IL15RA: variants seen among roughly 807,000 people sequenced by gnomAD.
IL15RA encodes interleukin 15 receptor subunit alpha.
IL15RA carries 26 observed loss-of-function variants against 24.2 expected under a neutral mutation model. The observed-to-expected ratio is 1.07, with a 90% CI of 0.79 to 1.49. IL15RA has a LOEUF of 1.49. Ranked by LOEUF, IL15RA falls within the 40% of genes most tolerant of loss-of-function variation. The probability of loss-of-function intolerance (pLI) is 0.00; values close to 1 mark genes in which losing one functional copy is unlikely to be tolerated. For synonymous variants in IL15RA, 166 were observed against 157.6 expected, an observed-to-expected ratio of 1.05 and a Z score of -0.40; for missense variants, 354 against 356.4, an observed-to-expected ratio of 0.99 and a Z score of 0.05.
rs752224828 is a variant in IL15RA at position 5,973,501 on chromosome 10, C to A, written c.88+3904G>T. The stretch of plus-strand genomic sequence containing the variant: ...TGTAGTGGTGTTTTGTATACTGCAA[C>A]CAACTTAGACACATATGGCTGACTG... On this transcript the variant is annotated intron_variant, in intron 1 of 6. Transcript: ENST00000379977. The surrounding 1 kb of genome is among the most constrained non-coding windows in gnomAD (Gnocchi z 4.5). Among the ~76,000 whole-genome samples the A allele has an allele frequency of 1.6e-4, 25 of 152,032 alleles. No individual in the cohort carries two copies. The highest frequency in any genetic ancestry group is 2.1e-4 in the South Asian group (1 of 4,812).
At position 5,958,152 on chromosome 10, in the gene IL15RA, T is replaced by G. The variant is rs1336624402; in HGVS notation, c.616+1602A>C. Reference sequence around the variant, plus strand: ...AGGAATTCCATACAGTGGAATATTCTGTAGCTGTTAAAAACGATGAGATGG... The same window carrying G: ...AGGAATTCCATACAGTGGAATATTCGGTAGCTGTTAAAAACGATGAGATGG... On this transcript the variant is annotated intron_variant, in intron 5 of 6. Coordinates refer to ENST00000379977, the MANE Select transcript of IL15RA (RefSeq NM_002189.4). This position sits in a 1 kb window ranked among gnomAD's most constrained non-coding sequence, Gnocchi z 4.3. 2 of 318,956 alleles carry G rather than the reference T, an allele frequency of 6.3e-6. No homozygotes were observed. The highest frequency in any genetic ancestry group is 1.3e-5 in the Non-Finnish European group (2 of 156,584). The allele number at this position is 318,956 out of a possible 1,614,324, so 19.8% of individuals were successfully genotyped here. A position where few individuals can be genotyped will look rare whatever the true frequency, so the allele number is the denominator to read the frequency against.
intron 5 of IL15RA, among the ~76,000 whole-genome samples, chr10:5,956,957 A>ATT (rs767909938): frequency 0.035 from 4,446 of 127,624 alleles, 170 homozygotes; most frequent in South Asian, 0.068. Context: ...TTCACTTGCA[A>ATT]TTTTTTTTTT....
chr10:5,955,052 A>G lies in IL15RA; in HGVS notation c.692+1327T>C, dbSNP rs957815418. On this transcript the variant is annotated intron_variant, in intron 6 of 6. Coordinates refer to ENST00000379977, the MANE Select transcript of IL15RA (RefSeq NM_002189.4). This position sits in a 1 kb window ranked among gnomAD's most constrained non-coding sequence, Gnocchi z 5.3. ...GTTTTCATTTTGACTTTATAGTAGC[A>G]TTTCATGGAATGTGCATTTTGTCAA... 2.0e-5 allele frequency among the ~76,000 whole-genome samples: 3 copies of G among 150,878 alleles called. No homozygotes were observed. Among genetic ancestry groups the G allele is most frequent in the Non-Finnish European group, 4.4e-5 (3 of 67,890 alleles).
At position 5,959,695 on chromosome 10, in the gene IL15RA, G is replaced by C. The variant is rs377551433; in HGVS notation, c.616+59C>G. The C allele has an allele frequency of 1.2e-4, 178 of 1,540,010 alleles. No individual in the cohort carries two copies. Among genetic ancestry groups the C allele is most frequent in the Non-Finnish European group, 1.5e-4 (167 of 1,114,398 alleles). Reference sequence around the variant, plus strand: ...AGCGGGCCTGGGCCAGGACCACCCAGCACCCTGGGACTGCGGTCACCCTGA... The same window carrying C: ...AGCGGGCCTGGGCCAGGACCACCCACCACCCTGGGACTGCGGTCACCCTGA... On this transcript the variant is annotated intron_variant, in intron 5 of 6. Transcript: ENST00000379977. The surrounding 1 kb of genome is among the most constrained non-coding windows in gnomAD (Gnocchi z 4.1).
intron 1 of IL15RA, 96 bp downstream of exon 1, chr10:5,977,309 C>T (rs921292269): frequency 5.7e-6 from 3 of 524,924 alleles, no homozygotes; most frequent in African/African-American, 2.0e-5. Context: ...GACGCCCCCG[C>T]ACGGCCCGGG....
In IL15RA at chr10:5,973,688, A is replaced by G. The variant is rs1477625283; in HGVS notation, c.88+3717T>C. On this transcript the variant is annotated intron_variant, in intron 1 of 6. Transcript: ENST00000379977. This position sits in a 1 kb window ranked among gnomAD's most constrained non-coding sequence, Gnocchi z 4.5. ...AATTAATTCAAAATGGATCACAGCC[A>G]TAAATGTAAACCCTAAAGCTATAAA... is the stretch of plus-strand genomic sequence containing the variant. Among the ~76,000 whole-genome samples the G allele has an allele frequency of 1.3e-5, 2 of 152,248 alleles. No individual in the cohort carries two copies. The highest frequency in any genetic ancestry group is 2.9e-5 in the Non-Finnish European group (2 of 68,044).
chr10:5,952,141 G>C (rs1833922905), downstream of IL15RA, among the ~76,000 whole-genome samples: 5 of 152,230 alleles, frequency 3.3e-5, no homozygotes, highest in Admixed American at 3.3e-4. Context: ...AAGAGACGAT[G>C]TGTATACCAC....
At chr10:5,978,102 C>T (rs1165806526), upstream of IL15RA, 2 of 152,366 alleles carry the variant, frequency 1.3e-5, no homozygotes, top group South Asian at 2.1e-4. The surrounding 1 kb of genome is among the most constrained non-coding windows in gnomAD (Gnocchi z 5.2). Flanking sequence ...GGGCGGAGCG[C>T]AGCCCCCGCC....
Position 5,963,699 on chromosome 10 carries a change from T to G in IL15RA, c.382+44A>C, listed in dbSNP as rs761022008. On this transcript the variant is annotated intron_variant, in intron 3 of 6. Transcript: ENST00000379977. The surrounding 1 kb of genome is among the most constrained non-coding windows in gnomAD (Gnocchi z 5.3). ...GGATTGGTGAGCGGGCCTCTGGGTG[T>G]TGGGAGGGAATGAATGTCCTCGAGA... is the stretch of plus-strand genomic sequence containing the variant. The G allele has an allele frequency of 1.5e-6, 2 of 1,301,852 alleles. No individual in the cohort carries two copies. The highest frequency in any genetic ancestry group is 1.6e-5 in the African/African-American group (1 of 64,158). The allele number at this position is 1,301,852 out of a possible 1,614,324, so 80.6% of individuals were successfully genotyped here.
rs530835308 is a variant in IL15RA at position 5,953,867 on chromosome 10, T to C, written c.693-661A>G. ...ACTGGTCATACGTGGCTGGCCTGTC[T>C]GGAGCTGCCTGGGTGCTGATGCCCT... On this transcript the variant is annotated intron_variant, in intron 6 of 6. Coordinates refer to ENST00000379977, the MANE Select transcript of IL15RA (RefSeq NM_002189.4). The surrounding 1 kb of genome is among the most constrained non-coding windows in gnomAD (Gnocchi z 5.3). The C allele has an allele frequency of 8.9e-5, 14 of 156,910 alleles. No homozygotes were observed. In the South Asian group the frequency reaches 2.7e-3, roughly 30 times the overall value. 9.7% of individuals were successfully genotyped at this position (156,910 alleles called of 1,614,324 possible). A position where few individuals can be genotyped will look rare whatever the true frequency, so the allele number is the denominator to read the frequency against.
In IL15RA at chr10:5,959,610, T is replaced by G; in HGVS notation, c.616+144A>C. 2 of 706,994 alleles carry G rather than the reference T, an allele frequency of 2.8e-6. No homozygotes were observed. The highest frequency in any genetic ancestry group is 5.0e-6 in the Non-Finnish European group (2 of 397,804). 43.8% of individuals were successfully genotyped at this position (706,994 alleles called of 1,614,324 possible). A position where few individuals can be genotyped will look rare whatever the true frequency, so the allele number is the denominator to read the frequency against. On this transcript the variant is annotated intron_variant, in intron 5 of 6. Coordinates refer to ENST00000379977, the MANE Select transcript of IL15RA (RefSeq NM_002189.4). This position sits in a 1 kb window ranked among gnomAD's most constrained non-coding sequence, Gnocchi z 4.1. ...TCCATAAATCAGCTATTACTTAACT[T>G]ATTATCTGATGGAGGCCTTCTGAGT... is the stretch of plus-strand genomic sequence containing the variant.
At chr10:5,949,836 C>T (rs1205434561), downstream of IL15RA, among the ~76,000 whole-genome samples, 1 of 152,166 alleles carries the variant, frequency 6.6e-6, no homozygotes, top group African/African-American at 2.4e-5. The surrounding 1 kb of genome is among the most constrained non-coding windows in gnomAD (Gnocchi z 4.4). Context: ...GTGGCTCAAG[C>T]CTGTAATCCC....
chr10:5,978,096 G>T (rs185359276), upstream of IL15RA: 391 of 152,380 alleles, frequency 2.6e-3, 1 homozygote, highest in Middle Eastern at 6.8e-3. The surrounding 1 kb of genome is among the most constrained non-coding windows in gnomAD (Gnocchi z 5.2). Context: ...TGGCCCGGGC[G>T]GAGCGCAGCC....
chr10:5,966,408 C>G lies in IL15RA; in HGVS notation c.89-69G>C. 1 of 1,320,726 alleles carries G rather than the reference C, an allele frequency of 7.6e-7. No individual in the cohort carries two copies. The highest frequency in any genetic ancestry group is 1.1e-6 in the Non-Finnish European group (1 of 932,016). The allele number at this position is 1,320,726 out of a possible 1,614,324, so 81.8% of individuals were successfully genotyped here. A position where few individuals can be genotyped will look rare whatever the true frequency, so the allele number is the denominator to read the frequency against. ...TTGTAAGAGGCGTTCTCCAGGCACA[C>G]GCAGCGGTAGTCAGTGTCCAGCTTA... On this transcript the variant is annotated intron_variant, in intron 1 of 6. Coordinates refer to ENST00000379977, the MANE Select transcript of IL15RA (RefSeq NM_002189.4). The surrounding 1 kb of genome is among the most constrained non-coding windows in gnomAD (Gnocchi z 6.4).
chr10:5,973,021 G>A lies in IL15RA; in HGVS notation c.88+4384C>T, dbSNP rs8177656. On this transcript the variant is annotated intron_variant, in intron 1 of 6. Transcript: ENST00000379977. This position sits in a 1 kb window ranked among gnomAD's most constrained non-coding sequence, Gnocchi z 4.5. ...CACTTACACCTTACATAAAAAAAGC[G>A]AACTGAAATTGGTGGCTAGGGATAT... Among the ~76,000 whole-genome samples the A allele has an allele frequency of 0.093, 14,143 of 152,186 alleles. 1,145 individuals carry two copies. The highest frequency in any genetic ancestry group is 0.31 in the East Asian group (1,586 of 5,170).
At position 5,958,611 on chromosome 10, in the gene IL15RA, TC is replaced by T. The variant is rs1156350472; in HGVS notation, c.616+1142del. 6.6e-6 allele frequency among the ~76,000 whole-genome samples: 1 copy of T among 152,208 alleles called. No individual in the cohort carries two copies. Among genetic ancestry groups the T allele is most frequent in the African/African-American group, 2.4e-5 (1 of 41,456 alleles). On this transcript the variant is annotated intron_variant, in intron 5 of 6. Coordinates refer to ENST00000379977, the MANE Select transcript of IL15RA (RefSeq NM_002189.4). The surrounding 1 kb of genome is among the most constrained non-coding windows in gnomAD (Gnocchi z 4.3). ...CATGTTGTCCAGGCTGGTCTGGGAC[TC>T]CTGGCCTCCAGTGATCAGCCCCCCT...
downstream of IL15RA, among the ~76,000 whole-genome samples, chr10:5,950,262 TC>T (rs1284229535): frequency 6.6e-6 from 1 of 152,178 alleles, no homozygotes; most frequent in African/African-American, 2.4e-5. This position sits in a 1 kb window ranked among gnomAD's most constrained non-coding sequence, Gnocchi z 5.6. Flanking sequence ...ACTGAAGGCC[TC>T]ACAGCTATAG....
At chr10:5,949,143 G>A (rs1449226979), downstream of IL15RA, 3 of 452,372 alleles carry the variant, frequency 6.6e-6, no homozygotes, top group Non-Finnish European at 1.4e-5. This position sits in a 1 kb window ranked among gnomAD's most constrained non-coding sequence, Gnocchi z 4.4. Context: ...TCATTGGGAG[G>A]AGCCCAAACG....
At chr10:5,951,302 G>A (rs952966085), downstream of IL15RA, among the ~76,000 whole-genome samples, 4 of 152,112 alleles carry the variant, frequency 2.6e-5, no homozygotes, top group Admixed American at 2.6e-4. Context: ...CAGCCTGGGT[G>A]ACACAGTGAG....
Sources: gnomAD v4.1 joint callset for allele counts (sites outside exome capture counted in the v4.1 genomes callset) on GRCh38, gnomAD v4.1.1 for gene constraint, Gnocchi (gnomAD v3.1) non-coding constraint, MANE v1.5 for transcripts, NCBI Gene and HGNC (gene_info 2026-07-23, HGNC 2026-07-21) for gene names.